Variants in ARID1B observed in about 807,000 individuals in gnomAD.
ARID1B encodes the protein AT-rich interaction domain 1B.
Under a neutral mutation model 212.3 loss-of-function variants are expected in ARID1B, and 30 were observed. The ratio of observed to expected loss-of-function variants is 0.14; its 90% confidence interval spans 0.11 to 0.19. The LOEUF (loss-of-function observed/expected upper bound fraction) is 0.19, where lower values mean the gene tolerates loss of function less well. Among genes scored for constraint, ARID1B ranks in the 10% least tolerant of loss-of-function variants. The pLI is 1.00. For synonymous variants in ARID1B, 1,402 were observed against 1,301.7 expected (o/e 1.08, Z -1.66); for missense variants, 2,891 against 3,204.0 (o/e 0.90, Z 2.36).
intron 4 of ARID1B, among the ~76,000 whole-genome samples, chr6:156,951,839 GA>G (rs1175126191): frequency 6.6e-6 from 1 of 152,174 alleles, no homozygotes; most frequent in Non-Finnish European, 1.5e-5. Context: ...TGAAAATAGT[GA>G]ATAATGAGTC....
chr6:157,179,418 T>G (rs1213883398), intron 11 of ARID1B, among the ~76,000 whole-genome samples: 2 of 152,172 alleles, frequency 1.3e-5, no homozygotes, highest in East Asian at 3.9e-4. Flanking sequence ...CTTTAAAAAT[T>G]TATTTGGATA....
chr6:157,135,265 T>C (rs534486903), intron 7 of ARID1B, among the ~76,000 whole-genome samples: 11 of 152,298 alleles, frequency 7.2e-5, no homozygotes, highest in African/African-American at 2.6e-4. Flanking sequence ...GATTATATTA[T>C]GTTGGCATTT....
intron 5 of ARID1B, among the ~76,000 whole-genome samples, chr6:157,105,506 A>G (rs909300733): frequency 6.6e-6 from 1 of 152,344 alleles, no homozygotes; most frequent in Admixed American, 6.5e-5. Context: ...TAGGAGAAAG[A>G]CTTGAACAAA....
intron 1 of ARID1B, among the ~76,000 whole-genome samples, chr6:156,799,570 A>C (rs923234001): frequency 1.1e-4 from 17 of 152,142 alleles, no homozygotes; most frequent in Non-Finnish European, 2.5e-4. Flanking sequence ...TCAGCTTCCC[A>C]GGTTCAAGCG....
At chr6:156,823,624 A>C (rs2128025288) in intron 1 of ARID1B, among the ~76,000 whole-genome samples, 1 of 151,726 alleles carries the variant, frequency 6.6e-6, no homozygotes, top group African/African-American at 2.4e-5. Context: ...TGTTTAATCC[A>C]CATGTGTAGA....
At chr6:156,846,703 G>A (rs540448597) in intron 2 of ARID1B, among the ~76,000 whole-genome samples, 2 of 152,214 alleles carry the variant, frequency 1.3e-5, no homozygotes, top group Admixed American at 1.3e-4. Flanking sequence ...ACTGGGGGAC[G>A]GGCCTGTTAC....
At position 156,814,814 on chromosome 6, in the gene ARID1B, TACTC is replaced by T. The variant is rs929777892; in HGVS notation, c.1792-14411_1792-14408del. ...TGCCGTCTCACTTTTGGGAGGATAA[TACTC>T]AATAACTATTAAAAATCCCCTTTCA... On this transcript the variant is annotated intron_variant, in intron 1 of 19. Coordinates refer to ENST00000636930, the MANE Select transcript of ARID1B (RefSeq NM_001374828.1). 3.9e-5 allele frequency among the ~76,000 whole-genome samples: 6 copies of T among 152,318 alleles called. No individual in the cohort carries two copies. In the East Asian group the frequency reaches 7.7e-4, roughly 20 times the overall value.
At chr6:157,054,618 A>G (rs78590901) in intron 4 of ARID1B, among the ~76,000 whole-genome samples, 238 of 152,124 alleles carry the variant, frequency 1.6e-3, no homozygotes, top group Non-Finnish European at 1.6e-3. Flanking sequence ...TTTTTGTTCT[A>G]TGTCTGAGGA....
chr6:157,205,615 G>A (rs989007646), intron 19 of ARID1B: 2 of 152,280 alleles, frequency 1.3e-5, no homozygotes, highest in African/African-American at 4.8e-5. Flanking sequence ...CCACATTGCT[G>A]AAATTATCTT....
intron 4 of ARID1B, among the ~76,000 whole-genome samples, chr6:157,011,132 T>C (rs1779580470): frequency 6.6e-6 from 1 of 152,244 alleles, no homozygotes; most frequent in East Asian, 1.9e-4. Context: ...TACTTTCTCT[T>C]TTACCTTTTG....
intron 8 of ARID1B, chr6:157,166,828 C>T: frequency 6.3e-6 from 3 of 475,360 alleles, no homozygotes; most frequent in Non-Finnish European, 1.1e-5. Context: ...ACTTGCAGAA[C>T]TTGTAATATT....
At chr6:156,820,421 G>A (rs1160475920) in intron 1 of ARID1B, among the ~76,000 whole-genome samples, 2 of 152,170 alleles carry the variant, frequency 1.3e-5, no homozygotes, top group African/African-American at 2.4e-5. Context: ...AGATGAATAA[G>A]ACAAAATTTT....
intron 19 of ARID1B, chr6:157,205,074 G>A (rs921441106): frequency 6.6e-6 from 1 of 152,170 alleles, no homozygotes; most frequent in Non-Finnish European, 1.5e-5. Context: ...CTTATGTTAG[G>A]TGAACTGTTG....
intron 4 of ARID1B, among the ~76,000 whole-genome samples, chr6:157,034,763 T>C (rs565310102): frequency 2.0e-5 from 3 of 152,350 alleles, no homozygotes; most frequent in Admixed American, 6.5e-5. Context: ...CTCATGTTTT[T>C]AAAATCAGCT....
At chr6:156,811,893 T>C (rs979160184) in intron 1 of ARID1B, among the ~76,000 whole-genome samples, 1 of 152,192 alleles carries the variant, frequency 6.6e-6, no homozygotes, top group Non-Finnish European at 1.5e-5. Flanking sequence ...TATATATAGA[T>C]GCCTTCCCCA....
At chr6:156,947,679 A>AT (rs1403979018) in intron 4 of ARID1B, among the ~76,000 whole-genome samples, 1 of 150,052 alleles carries the variant, frequency 6.7e-6, no homozygotes, top group Non-Finnish European at 1.5e-5. Flanking sequence ...TTTTTTCTTC[A>AT]TTTTTAAAAA....
intron 3 of ARID1B, among the ~76,000 whole-genome samples, chr6:156,907,145 C>T (rs1429666388): frequency 6.6e-6 from 1 of 152,264 alleles, no homozygotes; most frequent in Non-Finnish European, 1.5e-5. Context: ...GCTGGCTGTT[C>T]CTGTGTTATC....
intron 2 of ARID1B, among the ~76,000 whole-genome samples, chr6:156,897,218 GCTTCTTCTTCTTCTT>G (rs796265973): frequency 1.2e-4 from 11 of 91,370 alleles, no homozygotes; most frequent in East Asian, 7.3e-4. Flanking sequence ...TGCTGCTGCT[GCTTCTTCTTCTTCTT>G]CTTCTTCTTC....
At position 157,181,031 on chromosome 6, in the gene ARID1B, G is replaced by A; in HGVS notation, c.3567G>A (p.Glu1189=). Residue 1189 remains glutamate, a synonymous_variant, in exon 12 of 20, where the codon GAG becomes GAA. Transcript: ENST00000636930. Reference sequence around the variant, plus strand: ...CGAAGGTGTACGAGCTGGGGAATGAGCCAGAGAGAAAGCTCTGGGTCGACC... The same window carrying A: ...CGAAGGTGTACGAGCTGGGGAATGAACCAGAGAGAAAGCTCTGGGTCGACC... ...KITKVYELGN[E]PERKLWVDRY... is the part of the protein sequence containing the mutation. 1 of 1,614,174 alleles carries A rather than the reference G, an allele frequency of 6.2e-7. No individual in the cohort carries two copies. The highest frequency in any genetic ancestry group is 1.7e-5 in the Admixed American group (1 of 60,030).
Sources: gnomAD v4.1 joint callset for allele counts (sites outside exome capture counted in the v4.1 genomes callset) on GRCh38, gnomAD v4.1.1 for gene constraint, MANE v1.5 for transcripts, NCBI Gene and HGNC (gene_info 2026-07-23, HGNC 2026-07-21) for gene names.